Variants in FRMPD4 observed in about 807,000 individuals in gnomAD.
FRMPD4 encodes FERM and PDZ domain-containing protein 4.
FRMPD4 carries 22 observed loss-of-function variants against 94.1 expected under a neutral mutation model. That is an observed-to-expected ratio of 0.23 (90% CI 0.17 to 0.33). The LOEUF is 0.33. Ranked by LOEUF, FRMPD4 falls within the 10% of genes least tolerant of loss-of-function variation. The pLI is 1.00. For missense variants in FRMPD4, 1,111 were observed against 1,339.9 expected (o/e 0.83, Z 2.67); for synonymous variants, 631 against 548.6 (o/e 1.15, Z -2.10).
chrX:12,057,106 A>G (rs2054858786), intron 3 of FRMPD4, among the ~76,000 whole-genome samples: 2 of 111,939 alleles, frequency 1.8e-5, no homozygotes, highest in Non-Finnish European at 3.8e-5. Context: ...AAAGATAGGC[A>G]TTTATTTTAA....
intron 1 of FRMPD4, among the ~76,000 whole-genome samples, chrX:12,227,156 C>T (rs778757226): frequency 1.8e-5 from 2 of 111,652 alleles, no homozygotes; most frequent in Admixed American, 1.9e-4. Flanking sequence ...ACACTGAAGA[C>T]TCCAGAGCAC....
At chrX:12,141,898 T>C (rs1240620879) in intron 1 of FRMPD4, among the ~76,000 whole-genome samples, 1 of 112,362 alleles carries the variant, frequency 8.9e-6, no homozygotes, top group East Asian at 2.8e-4. Flanking sequence ...TTATTGTTAC[T>C]GCTCTTTGTA....
chrX:12,237,077 C>T (rs1041176513), intron 1 of FRMPD4, among the ~76,000 whole-genome samples: 6 of 112,062 alleles, frequency 5.4e-5, no homozygotes, highest in African/African-American at 1.9e-4. Context: ...AATAGAAGAA[C>T]AAGAGTCTAC....
intron 3 of FRMPD4, among the ~76,000 whole-genome samples, chrX:12,043,159 A>G (rs2054766083): frequency 9.0e-6 from 1 of 111,286 alleles, no homozygotes; most frequent in African/African-American, 3.3e-5. Flanking sequence ...TCCTAGCTTT[A>G]TATATGTTTG....
At chrX:12,250,879 G>A (rs1357962919) in intron 1 of FRMPD4, among the ~76,000 whole-genome samples, 1 of 111,084 alleles carries the variant, frequency 9.0e-6, no homozygotes, top group Non-Finnish European at 1.9e-5. Context: ...GCCGTTGCTG[G>A]GAGAGGCCTT....
At chrX:12,257,307 GT>G (rs1352129630) in intron 1 of FRMPD4, among the ~76,000 whole-genome samples, 8 of 110,210 alleles carry the variant, frequency 7.3e-5, no homozygotes, top group African/African-American at 2.0e-4. Context: ...GTTTCTGTGG[GT>G]TTTTTTTCCC....
intron 2 of FRMPD4, among the ~76,000 whole-genome samples, chrX:12,572,817 CT>C (rs983135379): frequency 8.9e-6 from 1 of 112,092 alleles, no homozygotes; most frequent in African/African-American, 3.2e-5. Flanking sequence ...GCATCCTGAG[CT>C]ACAGAAAGGA....
intron 1 of FRMPD4, among the ~76,000 whole-genome samples, chrX:12,335,009 G>C (rs1270193809): frequency 1.5e-4 from 17 of 111,261 alleles, no homozygotes. Flanking sequence ...TGAAAGTCAG[G>C]GTTCCATGCC....
intron 1 of FRMPD4, among the ~76,000 whole-genome samples, chrX:12,458,974 G>C (rs768747018): frequency 2.1e-4 from 23 of 112,078 alleles, no homozygotes; most frequent in Non-Finnish European, 3.8e-4. Context: ...AGATGAAGTA[G>C]AAGGAAGTAC....
At chrX:12,133,478 G>A (rs1454319735), upstream of FRMPD4, among the ~76,000 whole-genome samples, 1 of 110,584 alleles carries the variant, frequency 9.0e-6, no homozygotes, top group African/African-American at 3.3e-5. Context: ...AGGCTGGAGT[G>A]CAGTAGCATG....
At chrX:12,024,934 C>T (rs1299754512) in intron 3 of FRMPD4, among the ~76,000 whole-genome samples, 3 of 111,604 alleles carry the variant, frequency 2.7e-5, no homozygotes, top group Non-Finnish European at 5.7e-5. Flanking sequence ...GGTCTCTTGC[C>T]AATATATAAT....
At chrX:11,902,920 C>T (rs2053946164) in intron 3 of FRMPD4, among the ~76,000 whole-genome samples, 1 of 111,629 alleles carries the variant, frequency 9.0e-6, no homozygotes, top group African/African-American at 3.3e-5. Context: ...GACCACTGGG[C>T]TGGTTGTGGG....
At chrX:12,282,309 A>G (rs1017340331) in intron 1 of FRMPD4, among the ~76,000 whole-genome samples, 1 of 112,391 alleles carries the variant, frequency 8.9e-6, no homozygotes, top group South Asian at 3.7e-4. Flanking sequence ...AGCCAGCCCC[A>G]GCTTCTCCAT....
intron 2 of FRMPD4, among the ~76,000 whole-genome samples, chrX:12,517,850 C>A (rs1056661832): frequency 3.5e-5 from 4 of 113,041 alleles, no homozygotes; most frequent in Non-Finnish European, 5.6e-5. Context: ...CTCCCCTCCC[C>A]CAAGGGGCTC....
chrX:12,166,645 C>T lies in FRMPD4; in HGVS notation c.41+27633C>T, dbSNP rs1449432872. On this transcript the variant is annotated intron_variant, in intron 1 of 16. Coordinates refer to ENST00000675598, the MANE Select transcript of FRMPD4 (RefSeq NM_001368397.1). Reference sequence around the variant, plus strand: ...GGAATGGTACCAGCTCCTCCTTGTACCTCTGGTAGAATTCGGCTGTGAATC... The same window carrying T: ...GGAATGGTACCAGCTCCTCCTTGTATCTCTGGTAGAATTCGGCTGTGAATC... 4.5e-5 allele frequency among the ~76,000 whole-genome samples: 5 copies of T among 111,323 alleles called. No homozygotes were observed. In the Admixed American group the frequency reaches 4.8e-4, roughly 11 times the overall value.
At chrX:12,035,283 A>G (rs1276792735) in intron 3 of FRMPD4, among the ~76,000 whole-genome samples, 2 of 111,502 alleles carry the variant, frequency 1.8e-5, no homozygotes, top group East Asian at 5.6e-4. Flanking sequence ...TCTTTCATGT[A>G]TGATGATTTA....
intron 4 of FRMPD4, among the ~76,000 whole-genome samples, chrX:12,664,038 T>C (rs140646894): frequency 0.1 from 11,219 of 112,095 alleles, 468 homozygotes; most frequent in Middle Eastern, 0.16. Flanking sequence ...CTTGTGATCT[T>C]TGCACATTGA....
intron 3 of FRMPD4, among the ~76,000 whole-genome samples, chrX:11,920,328 A>T: frequency 8.9e-6 from 1 of 112,203 alleles, no homozygotes; most frequent in East Asian, 2.8e-4. Flanking sequence ...CAGTGGCCCT[A>T]TTAAATAAAT....
intron 1 of FRMPD4, chrX:12,373,097 T>C (rs557570130): frequency 2.7e-5 from 3 of 112,154 alleles, no homozygotes; most frequent in African/African-American, 9.7e-5. Context: ...GGTACAAAGT[T>C]TAAAAACCTT....
Sources: gnomAD v4.1 joint callset for allele counts (sites outside exome capture counted in the v4.1 genomes callset) on GRCh38, gnomAD v4.1.1 for gene constraint, MANE v1.5 for transcripts, NCBI Gene and HGNC (gene_info 2026-07-23, HGNC 2026-07-21) for gene names.